Variants in STXBP5L observed in about 807,000 individuals in gnomAD.
STXBP5L encodes syntaxin-binding protein 5-like.
In STXBP5L, 65 loss-of-function variants were observed where a neutral mutation model predicts 144.5. The ratio of observed to expected loss-of-function variants is 0.45; its 90% CI spans 0.37 to 0.55. STXBP5L has a LOEUF of 0.55. Ranked by LOEUF, STXBP5L falls within the 20% of genes least tolerant of loss-of-function variation. The pLI, the probability that STXBP5L is intolerant of heterozygous loss-of-function variation, is 0.00. For missense variants in STXBP5L, 1,298 were observed against 1,405.5 expected (o/e 0.92, Z 1.22); for synonymous variants, 505 against 469.6 (o/e 1.08, Z -0.97).
intron 19 of STXBP5L, among the ~76,000 whole-genome samples, chr3:121,300,197 T>A (rs998891385): frequency 2.0e-5 from 3 of 152,002 alleles, no homozygotes; most frequent in Non-Finnish European, 4.4e-5. Context: ...GAAAAACAAC[T>A]GTCAATCCAG....
rs180991208 is a variant in STXBP5L at position 121,094,560 on chromosome 3, T to G, written c.471-20365T>G. Among the ~76,000 whole-genome samples, 423 of 152,198 alleles carry G rather than the reference T, an allele frequency of 2.8e-3. 1 individual carries two copies. Among genetic ancestry groups the G allele is most frequent in the Non-Finnish European group, 4.9e-3 (336 of 67,980 alleles). ...TTTGTCCCTTTTGATCTTTGTTGGT[T>G]TAAAGTCTGTTTTATCAGAGACTAG... is the stretch of plus-strand genomic sequence containing the variant. On this transcript the variant is annotated intron_variant, in intron 5 of 26. Transcript: ENST00000471454.
At chr3:121,347,408 T>C (rs1444937234) in intron 20 of STXBP5L, among the ~76,000 whole-genome samples, 3 of 152,248 alleles carry the variant, frequency 2.0e-5, no homozygotes, top group Admixed American at 6.5e-5. Context: ...CTTTGTTCTC[T>C]TGGCTTAGGA....
chr3:121,226,728 C>T (rs912067807), intron 11 of STXBP5L, among the ~76,000 whole-genome samples: 2 of 152,138 alleles, frequency 1.3e-5, no homozygotes, highest in African/African-American at 4.8e-5. Flanking sequence ...TAGGGCAATG[C>T]ACAATGTTAC....
At chr3:121,366,925 T>C (rs2045880315) in intron 20 of STXBP5L, among the ~76,000 whole-genome samples, 1 of 152,130 alleles carries the variant, frequency 6.6e-6, no homozygotes, top group African/African-American at 2.4e-5. Flanking sequence ...ATAGCTAATT[T>C]TATGGTTACC....
At chr3:120,982,228 G>A (rs1466743104) in intron 3 of STXBP5L, among the ~76,000 whole-genome samples, 1 of 152,122 alleles carries the variant, frequency 6.6e-6, no homozygotes. Context: ...GGTGCTCTCT[G>A]TTGTTTCAGG....
intron 2 of STXBP5L, among the ~76,000 whole-genome samples, chr3:120,911,601 C>T (rs112671115): frequency 7.9e-5 from 12 of 151,910 alleles, no homozygotes; most frequent in Non-Finnish European, 1.0e-4. Context: ...AAAATATATA[C>T]GAATATTATT....
chr3:121,133,425 A>G (rs2107906219), intron 7 of STXBP5L, among the ~76,000 whole-genome samples: 1 of 152,312 alleles, frequency 6.6e-6, no homozygotes, highest in Non-Finnish European at 1.5e-5. Context: ...TTATAAGATA[A>G]TCCACAGTTT....
At chr3:121,144,419 A>C (rs2045637960) in intron 7 of STXBP5L, among the ~76,000 whole-genome samples, 2 of 151,906 alleles carry the variant, frequency 1.3e-5, no homozygotes, top group Admixed American at 6.6e-5. Context: ...GCAAATCAAA[A>C]CCAAGAATAG....
At chr3:121,333,598 AT>A (rs1355473119) in intron 20 of STXBP5L, among the ~76,000 whole-genome samples, 2 of 151,900 alleles carry the variant, frequency 1.3e-5, no homozygotes, top group Non-Finnish European at 2.9e-5. Context: ...TAGGAGCTGG[AT>A]TTTTGAAAAA....
chr3:121,355,896 G>T (rs1560014559), intron 20 of STXBP5L, among the ~76,000 whole-genome samples: 1 of 152,026 alleles, frequency 6.6e-6, no homozygotes, highest in Non-Finnish European at 1.5e-5. Flanking sequence ...TATTGTTGAT[G>T]TTGATGCTAT....
chr3:121,206,045 C>G, intron 10 of STXBP5L, 44 bp downstream of exon 10: 2 of 1,181,832 alleles, frequency 1.7e-6, no homozygotes, highest in Non-Finnish European at 2.3e-6. Flanking sequence ...GAAGCAGAGA[C>G]AAAAAATGCA....
chr3:121,381,044 G>A lies in STXBP5L; in HGVS notation c.2348-249G>A, dbSNP rs540848526. On this transcript the variant is annotated intron_variant, in intron 21 of 26. Transcript: ENST00000471454. The stretch of plus-strand genomic sequence containing the variant: ...TGAGTTAACGTAGAGAAAGAAAAAT[G>A]GTGAGCTGGAGCTCAGGAGCCTCCA... Among the ~76,000 whole-genome samples the A allele has an allele frequency of 2.6e-5, 4 of 152,182 alleles. No homozygotes were observed. In the East Asian group the frequency reaches 7.7e-4, roughly 29 times the overall value.
chr3:120,956,904 T>C lies in STXBP5L; in HGVS notation c.287+1867T>C, dbSNP rs1938099967. Among the ~76,000 whole-genome samples, 3 of 151,900 alleles carry C rather than the reference T, an allele frequency of 2.0e-5. No homozygotes were observed. In the South Asian group the frequency reaches 6.2e-4, roughly 32 times the overall value. On this transcript the variant is annotated intron_variant, in intron 3 of 26. Transcript: ENST00000471454. Reference sequence around the variant, plus strand: ...TCATATGTAAGAAATCTTTACCAAATCCAATGGAATGAAGCTTTTACCCTG... The same window carrying C: ...TCATATGTAAGAAATCTTTACCAAACCCAATGGAATGAAGCTTTTACCCTG...
intron 10 of STXBP5L, among the ~76,000 whole-genome samples, chr3:121,212,666 C>T (rs922176655): frequency 1.3e-5 from 2 of 152,122 alleles, no homozygotes; most frequent in Non-Finnish European, 2.9e-5. Flanking sequence ...CAGCTTTGTT[C>T]TTTTTGCTTA....
rs188649255 is a variant in STXBP5L, at chr3:121,074,650, G to A, written c.470+29115G>A. On this transcript the variant is annotated intron_variant, in intron 5 of 26. Coordinates refer to ENST00000471454, the MANE Select transcript of STXBP5L (RefSeq NM_001308330.2). ...TATACATTGCCTCATTTTCCCGCTG[G>A]CAAAATGCATCTTTATAAATTTTGC... Among the ~76,000 whole-genome samples the A allele has an allele frequency of 3.3e-5, 5 of 152,178 alleles. No individual in the cohort carries two copies. In the East Asian group the frequency reaches 9.7e-4, roughly 29 times the overall value.
At chr3:120,938,407 TC>T (rs1250093578) in intron 2 of STXBP5L, among the ~76,000 whole-genome samples, 1 of 152,232 alleles carries the variant, frequency 6.6e-6, no homozygotes, top group African/African-American at 2.4e-5. Flanking sequence ...TACTTAGAAT[TC>T]TTCCTTGGGA....
chr3:121,132,191 C>T (rs1431000032), intron 7 of STXBP5L, among the ~76,000 whole-genome samples: 2 of 152,218 alleles, frequency 1.3e-5, no homozygotes, highest in African/African-American at 4.8e-5. Flanking sequence ...ACCCTCCCTG[C>T]CCTGCTGCTT....
At position 121,257,317 on chromosome 3, in the gene STXBP5L, A is replaced by G; in HGVS notation, c.1816A>G (p.Ser606Gly). The change falls in exon 17 of 27, where the codon AGT (serine) becomes GGT (glycine). Residue 606 changes from serine (S) to glycine (G), a missense_variant. By Grantham distance (56) the Ser-to-Gly change is moderately conservative (BLOSUM62 0). Coordinates refer to ENST00000471454, the MANE Select transcript of STXBP5L (RefSeq NM_001308330.2). ...TGCTAGTGAAGGAGTAACAAAGGAC[A>G]GTATTCCATGCCTCAAGTAAGAGTT... ...TVASEGVTKDSIPCLNVKTRP... is the reference protein window; with the variant it reads ...TVASEGVTKDGIPCLNVKTRP... The G allele has an allele frequency of 6.2e-7, 1 of 1,611,132 alleles. No individual in the cohort carries two copies.
chr3:121,084,314 T>C (rs1405012929), intron 5 of STXBP5L, among the ~76,000 whole-genome samples: 1 of 152,170 alleles, frequency 6.6e-6, no homozygotes. Flanking sequence ...ATCACCTAGG[T>C]ATTGAGCCCT....
Sources: gnomAD v4.1 joint callset for allele counts (sites outside exome capture counted in the v4.1 genomes callset) on GRCh38, gnomAD v4.1.1 for gene constraint, MANE v1.5 for transcripts, NCBI Gene and HGNC (gene_info 2026-07-23, HGNC 2026-07-21) for gene names.